Variants in MEGF6 observed in about 807,000 individuals in gnomAD.
The protein encoded by MEGF6 is multiple epidermal growth factor-like domains protein 6.
A neutral mutation model predicts 207.1 loss-of-function variants in MEGF6; 184 were observed. The ratio of observed to expected loss-of-function variants is 0.89; its 90% CI spans 0.79 to 1.00. The LOEUF (loss-of-function observed/expected upper bound fraction) is 1.00, where lower values mean the gene tolerates loss of function less well. Ranked by LOEUF, MEGF6 falls within the 50% of genes least tolerant of loss-of-function variation. MEGF6 has a pLI of 0.00. For synonymous variants in MEGF6, 1,038 were observed against 910.0 expected, an observed-to-expected ratio of 1.14 and a Z score of -2.53; for missense variants, 2,282 against 2,202.9, an observed-to-expected ratio of 1.04 and a Z score of -0.72.
chr1:3,589,307 T>C (rs1243756262), intron 3 of MEGF6, among the ~76,000 whole-genome samples: 1 of 152,138 alleles, frequency 6.6e-6, no homozygotes, highest in Non-Finnish European at 1.5e-5. Context: ...TAAACTCACA[T>C]TGGTTTCAGT....
intron 6 of MEGF6, 43 bp from the exon 7 acceptor site, chr1:3,514,715 C>A: frequency 6.6e-7 from 1 of 1,517,994 alleles, no homozygotes; most frequent in East Asian, 2.4e-5. Flanking sequence ...AGAGGGGACC[C>A]CAGTGGCTGC....
intron 3 of MEGF6, among the ~76,000 whole-genome samples, chr1:3,586,817 G>A (rs1170019240): frequency 2.0e-5 from 3 of 152,226 alleles, no homozygotes; most frequent in Non-Finnish European, 4.4e-5. Flanking sequence ...AGGAGGGGAG[G>A]GAGACCTGCC....
chr1:3,530,754 G>C (rs911875589), intron 4 of MEGF6, among the ~76,000 whole-genome samples: 9 of 152,194 alleles, frequency 5.9e-5, no homozygotes, highest in African/African-American at 2.2e-4. Context: ...CTTTTCACTT[G>C]ACCCGCAGAG....
chr1:3,596,032 G>A (rs1294924483), intron 2 of MEGF6, among the ~76,000 whole-genome samples: 7 of 152,122 alleles, frequency 4.6e-5, no homozygotes, highest in Admixed American at 4.6e-4. Context: ...ACACCTAGGA[G>A]GACAAAGCTG....
At position 3,524,128 on chromosome 1, in the gene MEGF6, G is replaced by C. The variant is rs1470519548; in HGVS notation, c.600C>G (p.Cys200Trp). The change falls in exon 5 of 37, where the codon TGC (cysteine) becomes TGG (tryptophan). Residue 200 changes from cysteine (C) to tryptophan (W), a missense_variant. Transcript: ENST00000356575. ...GGGTCTCCAGGCGACACTCACCCAGGCAGGTCCTGCTGTCAGTGTGGAGCC... is the reference window on the plus strand; with the variant it reads ...GGGTCTCCAGGCGACACTCACCCAGCCAGGTCCTGCTGTCAGTGTGGAGCC... ...GFRLHTDSRT[C>W]LAINSCALGN... is the part of the protein sequence containing the mutation. 1.8e-5 allele frequency: 29 copies of C among 1,611,768 alleles called. No homozygotes were observed. The highest frequency in any genetic ancestry group is 2.5e-5 in the Non-Finnish European group (29 of 1,179,352).
intron 4 of MEGF6, among the ~76,000 whole-genome samples, chr1:3,527,347 G>A (rs1230946820): frequency 6.6e-6 from 1 of 152,228 alleles, no homozygotes; most frequent in African/African-American, 2.4e-5. Flanking sequence ...TCCACGCTCT[G>A]AGAATGTGCC....
chr1:3,575,630 A>ATGT (rs1157148491), intron 4 of MEGF6, among the ~76,000 whole-genome samples: 1 of 82,384 alleles, frequency 1.2e-5, no homozygotes, highest in African/African-American at 4.3e-5. Context: ...GGAGCAAGTC[A>ATGT]CATCTTACAT....
intron 14 of MEGF6, 123 bp from the exon 15 acceptor site, chr1:3,506,359 A>AG: frequency 8.0e-7 from 1 of 1,244,980 alleles, no homozygotes; most frequent in Non-Finnish European, 1.1e-6. Flanking sequence ...AGCCCCCGCC[A>AG]GGGCACTAGG....
intron 7 of MEGF6, 68 bp downstream of exon 7, chr1:3,514,482 G>T (rs1557738491): frequency 1.3e-6 from 2 of 1,503,728 alleles, no homozygotes; most frequent in Non-Finnish European, 1.8e-6. Context: ...TTAGACACGG[G>T]TCCCTCCACA....
chr1:3,490,711 G>T, intron 36 of MEGF6, 122 bp from the exon 37 acceptor site: 1 of 1,184,126 alleles, frequency 8.4e-7, no homozygotes, highest in Non-Finnish European at 1.2e-6. Context: ...CCAGCAGGTG[G>T]GTGGGGCCCA....
chr1:3,524,176 G>C lies in MEGF6; in HGVS notation c.552C>G (p.Leu184=). Residue 184 remains leucine (L), a synonymous_variant, in exon 5 of 37, where the codon CTC becomes CTG. Transcript: ENST00000356575. ...GCCGGAAGCCGGGCTTGCACTCACA[G>C]AGGTAGGAGCCTGGGGTGTTCACGC... ...HRCVNTPGSY[L]CECKPGFRLH... 6.2e-7 allele frequency: 1 copy of C among 1,612,996 alleles called. No homozygotes were observed. The highest frequency in any genetic ancestry group is 1.3e-5 in the African/African-American group (1 of 75,068).
At chr1:3,622,668 C>T in the MEGF6 span, among the ~76,000 whole-genome samples, 1 of 152,290 alleles carries the variant, frequency 6.6e-6, no homozygotes, top group East Asian at 1.9e-4. Flanking sequence ...GGACACCAAG[C>T]AGGCCTGGCA....
chr1:3,582,886 G>T (rs1300530807), intron 3 of MEGF6, among the ~76,000 whole-genome samples: 3 of 152,156 alleles, frequency 2.0e-5, no homozygotes, highest in Non-Finnish European at 2.9e-5. Context: ...CACTCAGTTG[G>T]GGTGACAGCT....
intron 4 of MEGF6, among the ~76,000 whole-genome samples, chr1:3,557,742 G>A (rs1236618830): frequency 6.6e-6 from 1 of 152,252 alleles, no homozygotes; most frequent in Non-Finnish European, 1.5e-5. Flanking sequence ...GCAGCAGGGG[G>A]AGTTCAGGGG....
Position 3,524,220 on chromosome 1 carries a change from C to A in MEGF6, c.508G>T (p.Gly170Cys). 6.2e-7 allele frequency: 1 copy of A among 1,612,626 alleles called. No homozygotes were observed. Among genetic ancestry groups the A allele is most frequent in the Non-Finnish European group, 8.5e-7 (1 of 1,179,620 alleles). ...YDVDECRTHN[G>C]GCQHRCVNTP... Reference sequence around the variant, plus strand: ...TTCACGCACCGGTGCTGGCAGCCACCGTTGTGGGTTCGGCATTCGTCCACA... The same window carrying A: ...TTCACGCACCGGTGCTGGCAGCCACAGTTGTGGGTTCGGCATTCGTCCACA... Residue 170 changes from glycine to cysteine, a missense_variant, in exon 5 of 37, where the codon GGT becomes TGT. Transcript: ENST00000356575.
At chr1:3,581,357 G>A (rs1643792655) in intron 3 of MEGF6, among the ~76,000 whole-genome samples, 1 of 152,050 alleles carries the variant, frequency 6.6e-6, no homozygotes, top group Non-Finnish European at 1.5e-5. Context: ...CCACATTCAG[G>A]CCCTACCAGC....
Position 3,511,634 on chromosome 1 carries a change from G to T in MEGF6, c.1030C>A (p.His344Asn). ...CCAGCACTGGTGTGGCTGCAGCCAT[G>T]GGAGCAGCCGCCGTTGTTGGCCTCA... ...SCEANNGGCS[H>N]GCSHTSAGPL... Residue 344 changes from histidine (H) to asparagine (N), a missense_variant, in exon 9 of 37, where the codon CAT (histidine) becomes AAT (asparagine). By Grantham distance (68) the His-to-Asn change is moderately conservative. Coordinates refer to ENST00000356575, the MANE Select transcript of MEGF6 (RefSeq NM_001409.4). 1 of 1,611,898 alleles carries T rather than the reference G, an allele frequency of 6.2e-7. No homozygotes were observed. The highest frequency in any genetic ancestry group is 8.5e-7 in the Non-Finnish European group (1 of 1,179,394).
intron 1 of MEGF6, among the ~76,000 whole-genome samples, chr1:3,607,916 G>A (rs927681622): frequency 2.0e-5 from 3 of 152,174 alleles, no homozygotes; most frequent in Non-Finnish European, 4.4e-5. Flanking sequence ...GCCCAGCGAC[G>A]GCATCACCAG....
At chr1:3,495,078 T>C (rs1478882883) in intron 30 of MEGF6, among the ~76,000 whole-genome samples, 1 of 152,174 alleles carries the variant, frequency 6.6e-6, no homozygotes, top group Admixed American at 6.5e-5. Flanking sequence ...GTCTCCCGCT[T>C]GGGAGTGAAG....
Sources: allele counts gnomAD v4.1 joint callset (sites outside exome capture counted in the v4.1 genomes callset), GRCh38; gene constraint gnomAD v4.1.1; transcripts MANE v1.5; gene names NCBI Gene and HGNC (gene_info 2026-07-23, HGNC 2026-07-21).